Variants in RCAN1 observed in about 807,000 individuals in gnomAD.
The protein encoded by RCAN1 is regulator of calcineurin 1.
RCAN1 carries 11 observed loss-of-function variants against 22.9 expected under a neutral mutation model. The observed-to-expected ratio is 0.48, with a 90% CI of 0.30 to 0.79. The LOEUF (loss-of-function observed/expected upper bound fraction) is 0.79, where lower values mean the gene tolerates loss of function less well. Among genes scored for constraint, RCAN1 ranks in the 30% least tolerant of loss-of-function variants. The pLI, the probability that RCAN1 is intolerant of heterozygous loss-of-function variation, is 0.06. For synonymous variants in RCAN1, 136 were observed against 142.3 expected (o/e 0.96, Z 0.32); for missense variants, 291 against 337.8 (o/e 0.86, Z 1.09).
chr21:34,574,525 C>T (rs1205066037), intron 1 of RCAN1, among the ~76,000 whole-genome samples: 4 of 152,158 alleles, frequency 2.6e-5, no homozygotes, highest in South Asian at 2.1e-4. Flanking sequence ...AGATCAGCCT[C>T]AGGTCCTGGG....
At chr21:34,538,985 T>G (rs557099758) in intron 1 of RCAN1, among the ~76,000 whole-genome samples, 11 of 152,326 alleles carry the variant, frequency 7.2e-5, no homozygotes, top group Admixed American at 6.5e-4. Flanking sequence ...TGACAGCCTT[T>G]AAACTGAACA....
chr21:34,544,827 A>C (rs1376779771), intron 1 of RCAN1, among the ~76,000 whole-genome samples: 2 of 152,210 alleles, frequency 1.3e-5, no homozygotes, highest in African/African-American at 4.8e-5. Flanking sequence ...CGGGGCTGTA[A>C]GTCTCAGCAA....
intron 1 of RCAN1, among the ~76,000 whole-genome samples, chr21:34,574,810 G>A (rs1229917281): frequency 6.6e-6 from 1 of 152,224 alleles, no homozygotes; most frequent in Non-Finnish European, 1.5e-5. Context: ...CGCGTCAGAA[G>A]CTAGACCTAC....
At chr21:34,546,692 A>G (rs2123636684) in intron 1 of RCAN1, among the ~76,000 whole-genome samples, 1 of 152,340 alleles carries the variant, frequency 6.6e-6, no homozygotes, top group African/African-American at 2.4e-5. Context: ...AGACGCAAAC[A>G]ACATCCACCG....
At chr21:34,613,703 C>T in intron 1 of RCAN1, 1 of 1,410,522 alleles carries the variant, frequency 7.1e-7, no homozygotes, top group Non-Finnish European at 9.4e-7. Flanking sequence ...GAAAGCATGC[C>T]TGGAAGCTTA....
intron 1 of RCAN1, among the ~76,000 whole-genome samples, chr21:34,544,885 T>C (rs1390000646): frequency 6.6e-6 from 1 of 152,160 alleles, no homozygotes; most frequent in African/African-American, 2.4e-5. Flanking sequence ...GAGGGCACCT[T>C]GTGGGCAGGA....
At chr21:34,611,285 A>G (rs1351617426) in intron 1 of RCAN1, among the ~76,000 whole-genome samples, 1 of 152,258 alleles carries the variant, frequency 6.6e-6, no homozygotes, top group Admixed American at 6.5e-5. Context: ...ATGTTCATCA[A>G]ATATTTGTAC....
intron 1 of RCAN1, among the ~76,000 whole-genome samples, chr21:34,547,077 G>A (rs992252497): frequency 2.0e-5 from 3 of 152,106 alleles, no homozygotes; most frequent in Admixed American, 6.5e-5. Flanking sequence ...GTTTTCTTTG[G>A]AACACAAAGG....
intron 1 of RCAN1, among the ~76,000 whole-genome samples, chr21:34,551,828 G>A (rs2247884): frequency 0.24 from 35,908 of 152,078 alleles, 5,226 homozygotes; most frequent in East Asian, 0.44. Flanking sequence ...TAGGAATAGC[G>A]ATCATGGGTC....
chr21:34,519,544 G>A (rs949479254), intron 3 of RCAN1, among the ~76,000 whole-genome samples: 1 of 151,864 alleles, frequency 6.6e-6, no homozygotes, highest in Non-Finnish European at 1.5e-5. Context: ...GACTACAGGC[G>A]CATGCCATCA....
At chr21:34,586,224 C>G (rs544037329) in intron 1 of RCAN1, among the ~76,000 whole-genome samples, 26 of 152,066 alleles carry the variant, frequency 1.7e-4, no homozygotes, top group Non-Finnish European at 3.1e-4. Context: ...TACATGACTG[C>G]ATCTATATAT....
In RCAN1 at chr21:34,517,129, C is replaced by T. The variant is rs1984096706; in HGVS notation, c.*955G>A. 2 of 152,202 alleles carry T rather than the reference C, an allele frequency of 1.3e-5. No individual in the cohort carries two copies. The highest frequency in any genetic ancestry group is 1.3e-4 in the Admixed American group (2 of 15,280). The allele number at this position is 152,202 out of a possible 1,614,324, so 9.4% of individuals were successfully genotyped here. A position where few individuals can be genotyped will look rare whatever the true frequency, so the allele number is the denominator to read the frequency against. On this transcript the variant is annotated 3_prime_UTR_variant, in exon 4 of 4. Transcript: ENST00000313806. ...ATTTACAAGTGTATCTTGATGTCTTCGTGGGGTAAAAGAACCAACTATCTC... is the reference window on the plus strand; with the variant it reads ...ATTTACAAGTGTATCTTGATGTCTTTGTGGGGTAAAAGAACCAACTATCTC...
chr21:34,548,223 T>C (rs1986222506), intron 1 of RCAN1, among the ~76,000 whole-genome samples: 1 of 152,234 alleles, frequency 6.6e-6, no homozygotes, highest in African/African-American at 2.4e-5. Context: ...TCCTATGTTC[T>C]TAACAACTGC....
chr21:34,541,733 G>C (rs556499058), intron 1 of RCAN1, among the ~76,000 whole-genome samples: 46 of 152,300 alleles, frequency 3.0e-4, no homozygotes, highest in South Asian at 6.2e-4. Flanking sequence ...AGGAGATAGA[G>C]ACCATCCTGG....
chr21:34,521,693 C>T, intron 2 of RCAN1, 35 bp from the exon 3 acceptor site: 1 of 1,566,534 alleles, frequency 6.4e-7, no homozygotes. Context: ...TCAGTTGTTG[C>T]CAGGGAAGAA....
chr21:34,581,291 G>A (rs979667), intron 1 of RCAN1, among the ~76,000 whole-genome samples: 61,671 of 151,954 alleles, frequency 0.41, 12,669 homozygotes, highest in Admixed American at 0.46. Flanking sequence ...AAATCAAGAC[G>A]CTGTTTGTAG....
intron 1 of RCAN1, among the ~76,000 whole-genome samples, chr21:34,547,111 C>A (rs1483630109): frequency 6.6e-6 from 1 of 152,194 alleles, no homozygotes; most frequent in Non-Finnish European, 1.5e-5. Flanking sequence ...TCCTACTCAG[C>A]TGCAGCCACT....
intron 1 of RCAN1, among the ~76,000 whole-genome samples, chr21:34,607,865 C>A (rs74672789): frequency 6.6e-6 from 1 of 152,244 alleles, no homozygotes; most frequent in East Asian, 1.9e-4. Context: ...AGGTGAGCAG[C>A]GGGTGAGCCA....
intron 1 of RCAN1, among the ~76,000 whole-genome samples, chr21:34,535,169 T>C (rs1985610953): frequency 1.3e-5 from 2 of 152,234 alleles, no homozygotes; most frequent in Non-Finnish European, 2.9e-5. Flanking sequence ...ACCATGTGTT[T>C]AAGCAATAGT....
Sources: allele counts gnomAD v4.1 joint callset (sites outside exome capture counted in the v4.1 genomes callset), GRCh38; gene constraint gnomAD v4.1.1; transcripts MANE v1.5; gene names NCBI Gene and HGNC (gene_info 2026-07-23, HGNC 2026-07-21).